Variants in PPFIA2 observed in about 807,000 individuals in gnomAD.
PPFIA2 encodes PPFI scaffold protein A2.
PPFIA2 carries 46 observed loss-of-function variants against 175.5 expected under a neutral mutation model. That is an observed-to-expected ratio of 0.26 (90% CI 0.21 to 0.34). The LOEUF (loss-of-function observed/expected upper bound fraction) is 0.34. Ranked by LOEUF, PPFIA2 falls within the 10% of genes least tolerant of loss-of-function variation. The probability of loss-of-function intolerance (pLI) is 1.00; values close to 1 mark genes in which losing one functional copy is unlikely to be tolerated. For missense variants in PPFIA2, 1,179 were observed against 1,506.1 expected, an observed-to-expected ratio of 0.78 and a Z score of 3.60; for synonymous variants, 568 against 511.4, an observed-to-expected ratio of 1.11 and a Z score of -1.49.
intron 4 of PPFIA2, chr12:81,512,523 T>C (rs543139929): frequency 5.1e-6 from 2 of 390,198 alleles, no homozygotes; most frequent in African/African-American, 4.3e-5. Flanking sequence ...AAATGTTTAA[T>C]TTCTAAACTT....
At chr12:81,709,807 G>T (rs1016332413) in intron 3 of PPFIA2, among the ~76,000 whole-genome samples, 1 of 151,830 alleles carries the variant, frequency 6.6e-6, no homozygotes, top group Admixed American at 6.6e-5. Flanking sequence ...TTTTTAAATA[G>T]ATATTTTTCA....
At chr12:81,375,628 G>A (rs1336667410) in intron 10 of PPFIA2, 168 bp downstream of exon 10, 6 of 694,466 alleles carry the variant, frequency 8.6e-6, no homozygotes, top group South Asian at 7.6e-5. Flanking sequence ...TATCTTTCTG[G>A]AAAGTAAATT....
intron 4 of PPFIA2, among the ~76,000 whole-genome samples, chr12:81,581,970 C>T (rs566555745): frequency 7.2e-5 from 11 of 151,808 alleles, no homozygotes; most frequent in Non-Finnish European, 1.0e-4. Flanking sequence ...AACTGAACCT[C>T]GGGGAAATTC....
At chr12:81,411,990 A>G (rs541821575) in intron 7 of PPFIA2, among the ~76,000 whole-genome samples, 293 of 152,142 alleles carry the variant, frequency 1.9e-3, no homozygotes, top group African/African-American at 6.6e-3. Flanking sequence ...TAGAAAATGT[A>G]AATAACTATT....
chr12:81,544,657 ATGCTTT>A (rs1053704661), intron 4 of PPFIA2, among the ~76,000 whole-genome samples: 1 of 152,178 alleles, frequency 6.6e-6, no homozygotes, highest in African/African-American at 2.4e-5. Context: ...AGAGAACTGC[ATGCTTT>A]TGCTATTAAA....
intron 7 of PPFIA2, among the ~76,000 whole-genome samples, chr12:81,418,034 GTTGT>G (rs544757090): frequency 2.3e-4 from 35 of 151,854 alleles, no homozygotes; most frequent in African/African-American, 7.7e-4. Flanking sequence ...ACAGTTTTAC[GTTGT>G]TTGAATGTAT....
intron 4 of PPFIA2, among the ~76,000 whole-genome samples, chr12:81,671,749 T>G (rs1016148488): frequency 6.6e-6 from 1 of 152,108 alleles, no homozygotes; most frequent in South Asian, 2.1e-4. Context: ...CTTTACTACA[T>G]GACGTTATTT....
intron 4 of PPFIA2, among the ~76,000 whole-genome samples, chr12:81,573,549 GTC>G (rs2072961194): frequency 6.6e-6 from 1 of 151,874 alleles, no homozygotes; most frequent in Admixed American, 6.6e-5. Context: ...TCCATAGGCA[GTC>G]TCTATTTCTA....
chr12:81,733,546 A>G (rs1171360907), intron 3 of PPFIA2, among the ~76,000 whole-genome samples: 1 of 151,718 alleles, frequency 6.6e-6, no homozygotes, highest in Non-Finnish European at 1.5e-5. Flanking sequence ...ACTTACCAGT[A>G]ATGTGAGAAT....
At chr12:81,577,617 A>G (rs1050769413) in intron 4 of PPFIA2, among the ~76,000 whole-genome samples, 1 of 151,926 alleles carries the variant, frequency 6.6e-6, no homozygotes, top group Non-Finnish European at 1.5e-5. Context: ...AAAGATATTG[A>G]TGCCTTAAAA....
intron 7 of PPFIA2, among the ~76,000 whole-genome samples, chr12:81,414,954 T>C (rs1373584917): frequency 2.0e-5 from 3 of 150,440 alleles, no homozygotes; most frequent in African/African-American, 7.3e-5. Context: ...CATTTGGAAA[T>C]AAGATTTATA....
At chr12:81,260,708 A>G (rs1243915575) in intron 32 of PPFIA2, 2 of 152,216 alleles carry the variant, frequency 1.3e-5, no homozygotes, top group Admixed American at 6.5e-5. Flanking sequence ...AAGACCAACA[A>G]TAAATTGTGT....
At chr12:81,276,438 A>T (rs141178925) in intron 28 of PPFIA2, among the ~76,000 whole-genome samples, 1 of 152,158 alleles carries the variant, frequency 6.6e-6, no homozygotes, top group Non-Finnish European at 1.5e-5. Flanking sequence ...ACCTTTACCT[A>T]TATCTTTTTC....
intron 4 of PPFIA2, among the ~76,000 whole-genome samples, chr12:81,460,713 A>T (rs2054377272): frequency 6.6e-6 from 1 of 152,124 alleles, no homozygotes; most frequent in Non-Finnish European, 1.5e-5. Context: ...ATCATCTTAC[A>T]AAGATACCAC....
intron 4 of PPFIA2, among the ~76,000 whole-genome samples, chr12:81,661,018 G>C (rs1032139344): frequency 6.6e-6 from 1 of 152,094 alleles, no homozygotes; most frequent in African/African-American, 2.4e-5. Context: ...GTCACCACCA[G>C]GCCTGCACTA....
At chr12:81,632,645 T>C (rs1020227739) in intron 4 of PPFIA2, among the ~76,000 whole-genome samples, 1 of 152,150 alleles carries the variant, frequency 6.6e-6, no homozygotes, top group Non-Finnish European at 1.5e-5. Flanking sequence ...ATTACCTTTC[T>C]TTAACTCCTG....
At chr12:81,615,512 A>G (rs960536364) in intron 4 of PPFIA2, among the ~76,000 whole-genome samples, 1 of 152,186 alleles carries the variant, frequency 6.6e-6, no homozygotes, top group Non-Finnish European at 1.5e-5. Flanking sequence ...ACCAGCAAAG[A>G]AAAATCTGTA....
intron 6 of PPFIA2, among the ~76,000 whole-genome samples, chr12:81,442,029 T>G (rs1228427938): frequency 6.6e-6 from 1 of 152,116 alleles, no homozygotes; most frequent in Non-Finnish European, 1.5e-5. Flanking sequence ...TCTTTCTTTT[T>G]TTAAACTTAA....
chr12:81,657,505 T>C (rs568096240), intron 4 of PPFIA2, among the ~76,000 whole-genome samples: 2 of 152,274 alleles, frequency 1.3e-5, no homozygotes, highest in Non-Finnish European at 2.9e-5. Flanking sequence ...CTTTCTGGAA[T>C]GACTAAGCAA....
Sources: gnomAD v4.1 joint callset for allele counts (sites outside exome capture counted in the v4.1 genomes callset) on GRCh38, gnomAD v4.1.1 for gene constraint, MANE v1.5 for transcripts, NCBI Gene and HGNC (gene_info 2026-07-23, HGNC 2026-07-21) for gene names.